MYO6: variants seen among roughly 807,000 people sequenced by gnomAD.
MYO6 encodes myosin VI.
In MYO6, 74 loss-of-function variants were observed where a neutral mutation model predicts 178.7. The observed-to-expected ratio is 0.41, with a 90% CI of 0.34 to 0.50. The LOEUF is 0.50. Ranked by LOEUF, MYO6 falls within the 20% of genes least tolerant of loss-of-function variation. The pLI is 0.09. For synonymous variants in MYO6, 477 were observed against 504.6 expected, an observed-to-expected ratio of 0.95 and a Z score of 0.73; for missense variants, 1,330 against 1,547.4, an observed-to-expected ratio of 0.86 and a Z score of 2.36.
intron 2 of MYO6, among the ~76,000 whole-genome samples, chr6:75,819,730 A>G (rs991925096): frequency 6.6e-6 from 1 of 152,228 alleles, no homozygotes. Context: ...ATGCATTTTG[A>G]TAATTTCTAA....
chr6:75,836,026 A>G, intron 7 of MYO6, 70 bp downstream of exon 7: 1 of 1,035,166 alleles, frequency 9.7e-7, no homozygotes, highest in East Asian at 2.4e-5. Flanking sequence ...AGTGGTCTGG[A>G]ATGTTCTTCT....
At chr6:75,893,805 T>TA (rs1381610834) in intron 28 of MYO6, among the ~76,000 whole-genome samples, 1 of 152,234 alleles carries the variant, frequency 6.6e-6, no homozygotes, top group Non-Finnish European at 1.5e-5. Context: ...ATTATTAAGC[T>TA]CTTGGGTTTG....
chr6:75,907,299 G>T (rs889463671), intron 30 of MYO6, among the ~76,000 whole-genome samples: 1 of 152,164 alleles, frequency 6.6e-6, no homozygotes, highest in African/African-American at 2.4e-5. Context: ...AACTTTAAGT[G>T]TTCGTATATA....
chr6:75,907,786 GTGTGTGTA>G, intron 31 of MYO6, 78 bp downstream of exon 31: 1 of 841,686 alleles, frequency 1.2e-6, no homozygotes, highest in Non-Finnish European at 2.0e-6. Flanking sequence ...GGTGAGGTGT[GTGTGTGTA>G]TGTGTGTGTG....
chr6:75,867,173 G>T, intron 18 of MYO6, 68 bp downstream of exon 18: 1 of 1,268,494 alleles, frequency 7.9e-7, no homozygotes, highest in Non-Finnish European at 1.1e-6. Context: ...ATTCTAAAAT[G>T]GATAATGTAG....
chr6:75,886,433 A>G (rs1350088695), intron 24 of MYO6, among the ~76,000 whole-genome samples: 1 of 138,246 alleles, frequency 7.2e-6, no homozygotes, highest in Non-Finnish European at 1.7e-5. Context: ...TTTAAAAAAC[A>G]TCTCACTAAT....
intron 11 of MYO6, among the ~76,000 whole-genome samples, chr6:75,853,759 A>G (rs1027221923): frequency 5.3e-5 from 8 of 152,222 alleles, no homozygotes; most frequent in Non-Finnish European, 1.0e-4. Context: ...TAGTCTTAGA[A>G]TATATCGTTT....
intron 11 of MYO6, among the ~76,000 whole-genome samples, chr6:75,852,972 A>C (rs1775409160): frequency 6.6e-6 from 1 of 152,208 alleles, no homozygotes; most frequent in South Asian, 2.1e-4. Context: ...TCAGAAGCGT[A>C]TGAGGGTTTC....
chr6:75,810,059 G>C (rs866334368), intron 1 of MYO6, among the ~76,000 whole-genome samples: 1 of 149,162 alleles, frequency 6.7e-6, no homozygotes, highest in African/African-American at 2.5e-5. Flanking sequence ...CCTCCAGCTT[G>C]GGCAACAAAG....
intron 7 of MYO6, among the ~76,000 whole-genome samples, chr6:75,838,716 C>T (rs1343455071): frequency 6.7e-6 from 1 of 149,526 alleles, no homozygotes; most frequent in East Asian, 2.0e-4. Context: ...TGCTGGCGTG[C>T]AGTGGCAAGA....
chr6:75,892,061 ATAAAT>A (rs1198572763), intron 27 of MYO6, among the ~76,000 whole-genome samples: 1 of 152,230 alleles, frequency 6.6e-6, no homozygotes, highest in East Asian at 1.9e-4. Context: ...ACTGGAATTA[ATAAAT>A]TAGGATTAAG....
intron 7 of MYO6, among the ~76,000 whole-genome samples, chr6:75,836,779 C>G (rs981882376): frequency 2.0e-5 from 3 of 152,044 alleles, no homozygotes; most frequent in Non-Finnish European, 4.4e-5. Flanking sequence ...GATGGGGTTT[C>G]ACCATGTTGG....
At chr6:75,844,517 C>G (rs1031640612) in intron 9 of MYO6, among the ~76,000 whole-genome samples, 2 of 152,000 alleles carry the variant, frequency 1.3e-5, no homozygotes, top group African/African-American at 4.8e-5. Context: ...TTAAACCATA[C>G]TATCGGTTCT....
At chr6:75,912,468 G>A (rs1485568344) in intron 33 of MYO6, among the ~76,000 whole-genome samples, 1 of 151,952 alleles carries the variant, frequency 6.6e-6, no homozygotes, top group African/African-American at 2.4e-5. Context: ...ATAAGTATTC[G>A]TTTCTAGTCT....
At chr6:75,822,880 C>G (rs1951623) in intron 3 of MYO6, 29 bp downstream of exon 3, 7 of 1,540,060 alleles carry the variant, frequency 4.5e-6, no homozygotes. Context: ...ATTAACTCTC[C>G]GCACAGAAAA....
intron 1 of MYO6, among the ~76,000 whole-genome samples, chr6:75,750,838 C>T (rs949884473): frequency 2.0e-5 from 3 of 152,002 alleles, no homozygotes; most frequent in African/African-American, 7.3e-5. Flanking sequence ...CCTCGGCCTC[C>T]CAAAGTGCTA....
At position 75,756,973 on chromosome 6, in the gene MYO6, ATAGTGTGTATATATG is replaced by A. The variant is rs1777439752; in HGVS notation, c.-48+7553_-48+7567del. ...TGTGTATATATGTATACACACATAT[ATAGTGTGTATATATG>A]TATACACACATATATAGTGTGTATA... On this transcript the variant is annotated intron_variant, in intron 1 of 34. Transcript: ENST00000369977. Among the ~76,000 whole-genome samples, 21 of 25,476 alleles carry A rather than the reference ATAGTGTGTATATATG, an allele frequency of 8.2e-4. No homozygotes were observed. In the Admixed American group the frequency reaches 0.011, roughly 13 times the overall value. 16.7% of individuals were successfully genotyped at this position (25,476 alleles called of 152,430 possible).
chr6:75,903,370 T>C (rs1255174769), intron 30 of MYO6, among the ~76,000 whole-genome samples: 2 of 151,884 alleles, frequency 1.3e-5, no homozygotes, highest in Non-Finnish European at 2.9e-5. Flanking sequence ...TAAGTCTCTT[T>C]GTAGGTCACT....
intron 1 of MYO6, among the ~76,000 whole-genome samples, chr6:75,813,367 A>G (rs566690211): frequency 3.3e-5 from 5 of 152,158 alleles, no homozygotes; most frequent in South Asian, 2.1e-4. Context: ...CTCAAGGCCC[A>G]AGAGTTCTCC....
Sources: allele counts gnomAD v4.1 joint callset (sites outside exome capture counted in the v4.1 genomes callset), GRCh38; gene constraint gnomAD v4.1.1; transcripts MANE v1.5; gene names NCBI Gene and HGNC (gene_info 2026-07-23, HGNC 2026-07-21).